Variants in TPST1 observed in about 807,000 individuals in gnomAD.
TPST1 encodes protein-tyrosine sulfotransferase 1.
A neutral mutation model predicts 34.8 loss-of-function variants in TPST1; 20 were observed. That is an observed-to-expected ratio of 0.57 (90% confidence interval 0.40 to 0.84). The LOEUF is 0.84. Among genes scored for constraint, TPST1 ranks in the 40% least tolerant of loss-of-function variants. The pLI is 0.00. For synonymous variants in TPST1, 152 were observed against 159.4 expected (o/e 0.95, Z 0.35); for missense variants, 353 against 455.5 (o/e 0.78, Z 2.05).
Position 66,352,505 on chromosome 7 carries a change from G to A in TPST1, c.1045G>A (p.Val349Ile), listed in dbSNP as rs767351980. 3.1e-6 allele frequency: 5 copies of A among 1,611,986 alleles called. No homozygotes were observed. Among genetic ancestry groups the A allele is most frequent in the South Asian group, 1.1e-5 (1 of 90,706 alleles). Reference protein sequence around the residue: ...DPKIIENTRRVYKGEFQLPDF... With the variant: ...DPKIIENTRRIYKGEFQLPDF... ...ACTCACGCCTGCTTTGTTTTTCCAG[G>A]TCTATAAGGGAGAATTCCAACTACC... The change falls in exon 4 of 6, where the codon GTC (valine) becomes ATC (isoleucine). Residue 349 changes from valine to isoleucine, a missense_variant and splice_region_variant. Transcript: ENST00000304842.
chr7:66,301,431 C>T (rs898495652), intron 3 of TPST1, among the ~76,000 whole-genome samples: 1 of 152,200 alleles, frequency 6.6e-6, no homozygotes, highest in Non-Finnish European at 1.5e-5. Flanking sequence ...ACTTCAAGAA[C>T]TTTTCCTTTG....
rs73699789 is a variant in TPST1 at position 66,333,758 on chromosome 7, C to G, written c.1045-18747C>G. Among the ~76,000 whole-genome samples, 609 of 152,252 alleles carry G rather than the reference C, an allele frequency of 4.0e-3. 4 individuals are homozygous for G. The highest frequency in any genetic ancestry group is 0.014 in the African/African-American group (578 of 41,534). ...CTTGGCAAACCCTTGCAGCCTCCAG[C>G]CACAAGTCCCCTGGACCTCAGAGAA... is the stretch of plus-strand genomic sequence containing the variant. On this transcript the variant is annotated intron_variant, in intron 3 of 5. Transcript: ENST00000304842.
At chr7:66,242,047 G>C (rs542356590) in intron 2 of TPST1, among the ~76,000 whole-genome samples, 20 of 152,140 alleles carry the variant, frequency 1.3e-4, no homozygotes, top group Non-Finnish European at 2.6e-4. Flanking sequence ...CTCAAATGAT[G>C]ATTTTTAGCA....
At chr7:66,313,795 T>TCTCTCTCC (rs544869117) in intron 3 of TPST1, among the ~76,000 whole-genome samples, 1,878 of 152,254 alleles carry the variant, frequency 0.012, 20 homozygotes, top group Non-Finnish European at 0.021. Context: ...TCTCTCTCTT[T>TCTCTCTCC]CTCTCTCCTT....
At chr7:66,312,872 A>T (rs968282920) in intron 3 of TPST1, among the ~76,000 whole-genome samples, 1 of 152,192 alleles carries the variant, frequency 6.6e-6, no homozygotes, top group Non-Finnish European at 1.5e-5. Flanking sequence ...TGACTAATAG[A>T]TGTCTGCAAA....
intron 2 of TPST1, among the ~76,000 whole-genome samples, chr7:66,247,625 G>C (rs1038142002): frequency 6.6e-6 from 1 of 152,164 alleles, no homozygotes; most frequent in Non-Finnish European, 1.5e-5. Flanking sequence ...ATAAAGGGAA[G>C]CGCATTTAGT....
intron 2 of TPST1, among the ~76,000 whole-genome samples, chr7:66,279,164 A>G (rs796444336): frequency 5.9e-5 from 9 of 152,324 alleles, no homozygotes; most frequent in African/African-American, 1.9e-4. Flanking sequence ...GCTAGCACTT[A>G]TAAGTGAGAA....
At chr7:66,326,618 T>C (rs1791872108) in intron 3 of TPST1, among the ~76,000 whole-genome samples, 1 of 152,222 alleles carries the variant, frequency 6.6e-6, no homozygotes, top group Non-Finnish European at 1.5e-5. Flanking sequence ...AGGAAATCAA[T>C]GCCTTAATGC....
At chr7:66,310,547 C>G (rs940137147) in intron 3 of TPST1, among the ~76,000 whole-genome samples, 3 of 152,064 alleles carry the variant, frequency 2.0e-5, no homozygotes, top group African/African-American at 7.2e-5. Flanking sequence ...GCCAACCCAT[C>G]GAGAGAAGCA....
intron 4 of TPST1, among the ~76,000 whole-genome samples, chr7:66,355,214 C>T (rs1338612204): frequency 1.3e-5 from 2 of 151,564 alleles, no homozygotes; most frequent in African/African-American, 4.8e-5. Context: ...TGACTCACAC[C>T]TGTAATCCCA....
chr7:66,322,269 C>G (rs186580422), intron 3 of TPST1, among the ~76,000 whole-genome samples: 110 of 152,288 alleles, frequency 7.2e-4, no homozygotes, highest in Non-Finnish European at 1.1e-3. Flanking sequence ...ATAAAATACT[C>G]TCTTAAAGAT....
At chr7:66,284,905 C>G (rs772660893) in intron 2 of TPST1, among the ~76,000 whole-genome samples, 1 of 152,248 alleles carries the variant, frequency 6.6e-6, no homozygotes, top group South Asian at 2.1e-4. Flanking sequence ...TTAATCATTT[C>G]TTTTCTTCCA....
intron 3 of TPST1, among the ~76,000 whole-genome samples, chr7:66,293,205 CA>C (rs889634763): frequency 1.2e-3 from 156 of 131,764 alleles, no homozygotes; most frequent in Admixed American, 1.7e-3. Context: ...GACTCCATCT[CA>C]AAAAAAAAAA....
At chr7:66,309,739 G>A (rs1791493646) in intron 3 of TPST1, among the ~76,000 whole-genome samples, 1 of 152,134 alleles carries the variant, frequency 6.6e-6, no homozygotes, top group South Asian at 2.1e-4. Flanking sequence ...ACCAAAAAAG[G>A]TAGATAAAAA....
intron 2 of TPST1, among the ~76,000 whole-genome samples, chr7:66,261,424 G>C (rs796382998): frequency 3.3e-5 from 5 of 152,024 alleles, no homozygotes; most frequent in African/African-American, 1.2e-4. Flanking sequence ...TTATGTACTA[G>C]TTTGCTTTAT....
chr7:66,323,590 G>A (rs932156345), intron 3 of TPST1, among the ~76,000 whole-genome samples: 1 of 152,136 alleles, frequency 6.6e-6, no homozygotes, highest in Non-Finnish European at 1.5e-5. Context: ...AAAAACTTTT[G>A]TATTACAAAT....
At chr7:66,309,191 A>C (rs1280421801) in intron 3 of TPST1, among the ~76,000 whole-genome samples, 2 of 152,186 alleles carry the variant, frequency 1.3e-5, no homozygotes, top group African/African-American at 2.4e-5. Flanking sequence ...GAGCCACTGC[A>C]CCTGGCTTGA....
In TPST1 at chr7:66,214,375, A is replaced by T. The variant is rs191755221; in HGVS notation, c.-102+8853A>T. 7.1e-4 allele frequency among the ~76,000 whole-genome samples: 107 copies of T among 150,914 alleles called. 2 individuals are homozygous for T. In the East Asian group the frequency reaches 0.019, roughly 27 times the overall value. ...CTATATTAACTATTAATATTTACTAATTTTTTTGTAATTTTAAAGTATTTA... is the reference window on the plus strand; with the variant it reads ...CTATATTAACTATTAATATTTACTATTTTTTTTGTAATTTTAAAGTATTTA... On this transcript the variant is annotated intron_variant, in intron 1 of 5. Coordinates refer to ENST00000304842, the MANE Select transcript of TPST1 (RefSeq NM_003596.4).
At chr7:66,216,087 A>G (rs1789403971) in intron 1 of TPST1, among the ~76,000 whole-genome samples, 3 of 152,146 alleles carry the variant, frequency 2.0e-5, no homozygotes. Context: ...TTCTTTGTGG[A>G]AAATTTTAAA....
Sources: allele counts gnomAD v4.1 joint callset (sites outside exome capture counted in the v4.1 genomes callset), GRCh38; gene constraint gnomAD v4.1.1; transcripts MANE v1.5; gene names NCBI Gene and HGNC (gene_info 2026-07-23, HGNC 2026-07-21).